SPECC1L: variants seen among roughly 807,000 people sequenced by gnomAD.
The protein encoded by SPECC1L is sperm antigen with calponin homology and coiled-coil domains 1 like.
SPECC1L carries 40 observed loss-of-function variants against 116.8 expected under a neutral mutation model. The ratio of observed to expected loss-of-function variants is 0.34; its 90% CI spans 0.27 to 0.45. SPECC1L has a LOEUF of 0.45. Ranked by LOEUF, SPECC1L falls within the 20% of genes least tolerant of loss-of-function variation. SPECC1L has a pLI of 1.00. For synonymous variants in SPECC1L, 504 were observed against 500.6 expected (o/e 1.01, Z -0.09); for missense variants, 1,110 against 1,373.6 (o/e 0.81, Z 3.03).
intron 4 of SPECC1L, among the ~76,000 whole-genome samples, chr22:24,316,830 G>A (rs1244737417): frequency 2.9e-5 from 4 of 140,258 alleles, no homozygotes; most frequent in Middle Eastern, 3.7e-3. Context: ...GGGCAGAGGG[G>A]CTCCTCACTT....
intron 9 of SPECC1L, among the ~76,000 whole-genome samples, chr22:24,337,874 A>G (rs1359864191): frequency 6.6e-6 from 1 of 152,212 alleles, no homozygotes; most frequent in Non-Finnish European, 1.5e-5. Flanking sequence ...ATATGCCAAC[A>G]AGTGATTCCA....
At chr22:24,388,239 C>A (rs1014188180) in intron 14 of SPECC1L, among the ~76,000 whole-genome samples, 1 of 122,686 alleles carries the variant, frequency 8.2e-6, no homozygotes, top group Non-Finnish European at 1.7e-5. Flanking sequence ...CCCCTCCCCC[C>A]ACCCCACAAC....
chr22:24,384,931 G>T (rs981713542), intron 14 of SPECC1L, among the ~76,000 whole-genome samples: 25 of 151,934 alleles, frequency 1.6e-4, no homozygotes, highest in African/African-American at 5.8e-4. Flanking sequence ...AAAAAATTAG[G>T]TGGGCACCTG....
chr22:24,283,554 A>G (rs1319896277), intron 2 of SPECC1L, among the ~76,000 whole-genome samples: 1 of 152,132 alleles, frequency 6.6e-6, no homozygotes, highest in African/African-American at 2.4e-5. Flanking sequence ...TTTTTTTGTA[A>G]TGTCTTTGTC....
At chr22:24,305,412 T>TA (rs2049472745) in intron 3 of SPECC1L, among the ~76,000 whole-genome samples, 2 of 152,368 alleles carry the variant, frequency 1.3e-5, no homozygotes. Context: ...TTTTGATCTT[T>TA]ACAGGAACGT....
chr22:24,296,206 A>G (rs1030248982), intron 2 of SPECC1L, among the ~76,000 whole-genome samples: 8 of 152,208 alleles, frequency 5.3e-5, no homozygotes, highest in Non-Finnish European at 1.2e-4. Flanking sequence ...AATTACTTGC[A>G]ATCTCTGATC....
rs1324248914 is a variant in SPECC1L, at chr22:24,317,663, AC to A, written c.308-3618del. On this transcript the variant is annotated intron_variant, in intron 4 of 16. Transcript: ENST00000314328. The stretch of plus-strand genomic sequence containing the variant: ...GGGCGGCTGGCCAGGCGGGGGGCTG[AC>A]CCCCCCATCTCCCTCCTGGACGGGG... Among the ~76,000 whole-genome samples the A allele has an allele frequency of 8.2e-5, 12 of 146,516 alleles. 1 individual carries two copies. Among genetic ancestry groups the A allele is most frequent in the Non-Finnish European group, 1.2e-4 (8 of 66,848 alleles).
chr22:24,273,927 T>A (rs141153673), intron 1 of SPECC1L, among the ~76,000 whole-genome samples: 3 of 152,130 alleles, frequency 2.0e-5, no homozygotes, highest in Non-Finnish European at 4.4e-5. Flanking sequence ...CCTGGCTGAT[T>A]TTGTATTTTT....
intron 10 of SPECC1L, among the ~76,000 whole-genome samples, chr22:24,339,053 A>G (rs2041120248): frequency 6.6e-6 from 1 of 152,200 alleles, no homozygotes; most frequent in African/African-American, 2.4e-5. Context: ...CATTTCTCTG[A>G]GTTGACTAGG....
rs531462962 is a variant in SPECC1L at position 24,334,605 on chromosome 22, C to T, written c.2560+32C>T. ...AATTTCTCCTACATTGTGCCTACTG[C>T]ATGCGGTTGTGTTCACTTACCTTAT... On this transcript the variant is annotated intron_variant, in intron 9 of 16. Coordinates refer to ENST00000314328, the MANE Select transcript of SPECC1L (RefSeq NM_015330.6). The T allele has an allele frequency of 3.7e-6, 6 of 1,611,466 alleles. No individual in the cohort carries two copies. In the African/African-American group the frequency reaches 5.3e-5, roughly 14 times the overall value.
chr22:24,359,527 T>C (rs767632623), intron 11 of SPECC1L, among the ~76,000 whole-genome samples: 1 of 152,134 alleles, frequency 6.6e-6, no homozygotes, highest in Non-Finnish European at 1.5e-5. Context: ...AGTCTGTTGA[T>C]TCTGCTGCAT....
intron 2 of SPECC1L, among the ~76,000 whole-genome samples, chr22:24,286,938 G>A (rs1601497215): frequency 6.6e-6 from 1 of 152,190 alleles, no homozygotes; most frequent in Non-Finnish European, 1.5e-5. Flanking sequence ...ATAAGTAAAT[G>A]TGAATTTCAG....
intron 14 of SPECC1L, among the ~76,000 whole-genome samples, chr22:24,372,176 G>T (rs535696180): frequency 1.3e-5 from 2 of 152,260 alleles, no homozygotes; most frequent in Admixed American, 1.3e-4. Context: ...AGACCAGATG[G>T]ATTCACGGCC....
chr22:24,317,036 C>T (rs2040589913), intron 4 of SPECC1L, among the ~76,000 whole-genome samples: 1 of 114,058 alleles, frequency 8.8e-6, no homozygotes, highest in Non-Finnish European at 1.9e-5. Context: ...GGGCGGGGGG[C>T]TGACCCCCCC....
chr22:24,364,389 G>C (rs2146627672), intron 12 of SPECC1L, among the ~76,000 whole-genome samples: 1 of 151,602 alleles, frequency 6.6e-6, no homozygotes, highest in South Asian at 2.1e-4. Context: ...GAGGCCAGTT[G>C]CGGTGGCTCA....
intron 4 of SPECC1L, among the ~76,000 whole-genome samples, chr22:24,319,980 G>A (rs867935788): frequency 9.2e-5 from 14 of 152,108 alleles, no homozygotes; most frequent in Non-Finnish European, 1.3e-4. Flanking sequence ...CTGTAAGTGC[G>A]GTGGCTCACG....
intron 14 of SPECC1L, among the ~76,000 whole-genome samples, chr22:24,387,937 C>T (rs1388859936): frequency 6.6e-6 from 1 of 152,178 alleles, no homozygotes; most frequent in Non-Finnish European, 1.5e-5. Context: ...GCCCCTTCCT[C>T]CATCTTCAAA....
At chr22:24,308,881 A>G (rs1224817910) in intron 3 of SPECC1L, among the ~76,000 whole-genome samples, 1 of 152,196 alleles carries the variant, frequency 6.6e-6, no homozygotes, top group Non-Finnish European at 1.5e-5. Flanking sequence ...AGTATAAATT[A>G]TTAGGATCAT....
Position 24,305,553 on chromosome 22 carries a change from TCTG to T in SPECC1L, c.153+3172_153+3174del, listed in dbSNP as rs1292226845. Among the ~76,000 whole-genome samples the T allele has an allele frequency of 5.3e-5, 8 of 152,220 alleles. No individual in the cohort carries two copies. The East Asian group carries it at 1.5e-3, about 29-fold the overall frequency. On this transcript the variant is annotated intron_variant, in intron 3 of 16. Coordinates refer to ENST00000314328, the MANE Select transcript of SPECC1L (RefSeq NM_015330.6). ...AATATACCACAGTTTGTTCATCTCT[TCTG>T]CTATTGGCAGACTTTTACTACTATT...
Sources: gnomAD v4.1 joint callset for allele counts (sites outside exome capture counted in the v4.1 genomes callset) on GRCh38, gnomAD v4.1.1 for gene constraint, MANE v1.5 for transcripts, NCBI Gene and HGNC (gene_info 2026-07-23, HGNC 2026-07-21) for gene names.